SYNDIG1L: variants seen among roughly 807,000 people sequenced by gnomAD.
The protein encoded by SYNDIG1L is synapse differentiation-inducing gene protein 1-like.
In SYNDIG1L, 13 loss-of-function variants were observed where a neutral mutation model predicts 20.1. That is an observed-to-expected ratio of 0.65 (90% CI 0.42 to 1.03). The LOEUF (loss-of-function observed/expected upper bound fraction) is 1.03. Among genes scored for constraint, SYNDIG1L ranks in the 50% least tolerant of loss-of-function variants. The probability of loss-of-function intolerance (pLI) is 0.00; values close to 1 mark genes in which losing one functional copy is unlikely to be tolerated. For synonymous variants in SYNDIG1L, 128 were observed against 129.3 expected (o/e 0.99, Z 0.07); for missense variants, 294 against 305.1 (o/e 0.96, Z 0.27).
chr14:74,436,849 CAAAA>C, the SYNDIG1L span, among the ~76,000 whole-genome samples: 2 of 89,312 alleles, frequency 2.2e-5, no homozygotes, highest in Non-Finnish European at 2.2e-5. Flanking sequence ...AAACTCGTCT[CAAAA>C]AAAAAAAAAA....
At chr14:74,436,849 C>CAA in the SYNDIG1L span, among the ~76,000 whole-genome samples, 6,565 of 89,066 alleles carry the variant, frequency 0.074, 455 homozygotes, top group South Asian at 0.17. Flanking sequence ...AAACTCGTCT[C>CAA]AAAAAAAAAA....
chr14:74,447,781 G>A, the SYNDIG1L span, among the ~76,000 whole-genome samples: 1 of 152,040 alleles, frequency 6.6e-6, no homozygotes, highest in African/African-American at 2.4e-5. Flanking sequence ...GCACCCCAAA[G>A]TGGAGAATAC....
upstream of SYNDIG1L, among the ~76,000 whole-genome samples, chr14:74,429,755 C>T (rs2086290169): frequency 6.6e-6 from 1 of 152,212 alleles, no homozygotes; most frequent in Non-Finnish European, 1.5e-5. Context: ...TGACACAGTT[C>T]CAAGGAAGGG....
chr14:74,406,438 T>A lies in SYNDIG1L; in HGVS notation c.*1097A>T, dbSNP rs1212083827. 9.5e-6 allele frequency: 2 copies of A among 210,888 alleles called. No homozygotes were observed. The highest frequency in any genetic ancestry group is 1.9e-5 in the Non-Finnish European group (2 of 107,086). 13.1% of individuals were successfully genotyped at this position (210,888 alleles called of 1,614,324 possible). ...CTTCCCATGGAAGGTTCCTGCCACA[T>A]CCCTGCCTACAAATACAAAGAGTTA... On this transcript the variant is annotated 3_prime_UTR_variant, in exon 4 of 4. Coordinates refer to ENST00000331628, the MANE Select transcript of SYNDIG1L (RefSeq NM_001105579.2).
the SYNDIG1L span, among the ~76,000 whole-genome samples, chr14:74,473,240 C>T: frequency 3.9e-3 from 590 of 152,086 alleles, 2 homozygotes; most frequent in Non-Finnish European, 7.2e-3. Context: ...CAAAAATTAG[C>T]AGGGTGTGGT....
chr14:74,431,340 C>T, the SYNDIG1L span, among the ~76,000 whole-genome samples: 2 of 152,086 alleles, frequency 1.3e-5, no homozygotes, highest in Non-Finnish European at 2.9e-5. Context: ...GAAGAACTTT[C>T]CTTGTGCCTT....
At chr14:74,418,117 T>A (rs563078403) in intron 1 of SYNDIG1L, among the ~76,000 whole-genome samples, 1 of 152,340 alleles carries the variant, frequency 6.6e-6, no homozygotes, top group East Asian at 1.9e-4. Flanking sequence ...TCTAATCAGA[T>A]CATGTATAAA....
the SYNDIG1L span, among the ~76,000 whole-genome samples, chr14:74,468,504 C>T: frequency 1.3e-5 from 2 of 151,942 alleles, no homozygotes; most frequent in Admixed American, 6.6e-5. Flanking sequence ...TTCCCTCAAC[C>T]TTTATCCTGG....
At chr14:74,476,410 T>C in the SYNDIG1L span, 2 of 882,876 alleles carry the variant, frequency 2.3e-6, no homozygotes, top group Non-Finnish European at 1.8e-6. Context: ...GGACATATGA[T>C]TTGTGGAGGA....
intron 1 of SYNDIG1L, among the ~76,000 whole-genome samples, chr14:74,421,669 G>A (rs2086222500): frequency 6.6e-6 from 1 of 152,188 alleles, no homozygotes; most frequent in Admixed American, 6.5e-5. Flanking sequence ...CCTGGCTGCT[G>A]GATGTATGGA....
intron 1 of SYNDIG1L, among the ~76,000 whole-genome samples, chr14:74,421,036 G>A (rs1322252099): frequency 6.6e-6 from 1 of 151,836 alleles, no homozygotes; most frequent in Non-Finnish European, 1.5e-5. Flanking sequence ...TAAAAGAGAA[G>A]GATTAAATAA....
chr14:74,456,048 A>G, the SYNDIG1L span, among the ~76,000 whole-genome samples: 458 of 152,340 alleles, frequency 3.0e-3, 1 homozygote, highest in African/African-American at 9.7e-3. Context: ...TCCAAATCCA[A>G]TGATTTCTGT....
the SYNDIG1L span, among the ~76,000 whole-genome samples, chr14:74,453,071 G>A: frequency 1.3e-5 from 2 of 152,108 alleles, no homozygotes; most frequent in African/African-American, 4.8e-5. Context: ...TGTTGGCCAG[G>A]TGCAGTGGCT....
the SYNDIG1L span, among the ~76,000 whole-genome samples, chr14:74,475,948 T>G: frequency 6.6e-6 from 1 of 152,232 alleles, no homozygotes; most frequent in Non-Finnish European, 1.5e-5. Flanking sequence ...GTCCAATCCC[T>G]TCAATTTGTA....
intron 1 of SYNDIG1L, among the ~76,000 whole-genome samples, chr14:74,410,490 G>C (rs771981253): frequency 2.0e-5 from 3 of 152,146 alleles, no homozygotes; most frequent in Non-Finnish European, 2.9e-5. Context: ...TTAGGATCTG[G>C]GTCCTGAAGC....
At chr14:74,475,832 A>AC in the SYNDIG1L span, among the ~76,000 whole-genome samples, 1 of 152,196 alleles carries the variant, frequency 6.6e-6, no homozygotes, top group Non-Finnish European at 1.5e-5. Flanking sequence ...AATATGAGTA[A>AC]CTAGAAAACG....
chr14:74,419,965 A>G (rs913712710), intron 1 of SYNDIG1L, among the ~76,000 whole-genome samples: 4 of 152,132 alleles, frequency 2.6e-5, no homozygotes, highest in African/African-American at 9.7e-5. Context: ...CTGGGGAGCC[A>G]GTGATGGGTG....
the SYNDIG1L span, among the ~76,000 whole-genome samples, chr14:74,460,821 G>A: frequency 3.9e-5 from 6 of 152,138 alleles, no homozygotes; most frequent in Admixed American, 2.0e-4. Flanking sequence ...GCTAATTTTT[G>A]TATTTTTAAT....
At position 74,405,944 on chromosome 14, in the gene SYNDIG1L, G is replaced by T; in HGVS notation, c.*1591C>A. 1 of 398,706 alleles carries T rather than the reference G, an allele frequency of 2.5e-6. No individual in the cohort carries two copies. The highest frequency in any genetic ancestry group is 4.4e-6 in the Non-Finnish European group (1 of 226,124). 24.7% of individuals were successfully genotyped at this position (398,706 alleles called of 1,614,324 possible). A position where few individuals can be genotyped will look rare whatever the true frequency, so the allele number is the denominator to read the frequency against. Reference sequence around the variant, plus strand: ...CAAGGATAAATCAGTACAATAATGGGACCTTAAAACTGCTGTGATGCAGGA... The same window carrying T: ...CAAGGATAAATCAGTACAATAATGGTACCTTAAAACTGCTGTGATGCAGGA... On this transcript the variant is annotated 3_prime_UTR_variant, in exon 4 of 4. Transcript: ENST00000331628.
Sources: allele counts gnomAD v4.1 joint callset (sites outside exome capture counted in the v4.1 genomes callset), GRCh38; gene constraint gnomAD v4.1.1; transcripts MANE v1.5; gene names NCBI Gene and HGNC (gene_info 2026-07-23, HGNC 2026-07-21).